The following SERTAD4 variants were observed in gnomAD, a reference collection of about 807,000 sequenced individuals.
SERTAD4 encodes SERTA domain-containing protein 4.
In SERTAD4, 18 loss-of-function variants were observed where a neutral mutation model predicts 32.9. The observed-to-expected ratio is 0.55, with a 90% CI of 0.38 to 0.81. The LOEUF (loss-of-function observed/expected upper bound fraction) is 0.81. Ranked by LOEUF, SERTAD4 falls within the 30% of genes least tolerant of loss-of-function variation. The pLI is 0.00. For missense variants in SERTAD4, 383 were observed against 426.0 expected (o/e 0.90, Z 0.89); for synonymous variants, 150 against 156.4 (o/e 0.96, Z 0.30).
At chr1:210,246,548 T>C (rs1487858321), downstream of SERTAD4, 1 of 984,584 alleles carries the variant, frequency 1.0e-6, no homozygotes, top group Non-Finnish European at 1.2e-6. Flanking sequence ...GTCTGTAATT[T>C]CCTGTTTCTG....
chr1:210,233,586 C>T (rs1410300883), intron 1 of SERTAD4: 4 of 444,862 alleles, frequency 9.0e-6, no homozygotes, highest in Non-Finnish European at 1.8e-5. Context: ...TCCTCCCAGG[C>T]AGCAGAGCTG....
At chr1:210,236,440 C>A (rs550709119) in intron 1 of SERTAD4, among the ~76,000 whole-genome samples, 1 of 152,140 alleles carries the variant, frequency 6.6e-6, no homozygotes, top group Non-Finnish European at 1.5e-5. Context: ...GAATTTGAGA[C>A]CTCAGAGAGA....
chr1:210,246,207 A>T lies in SERTAD4; in HGVS notation c.*3870A>T, dbSNP rs1183511813. On this transcript the variant is annotated 3_prime_UTR_variant, in exon 4 of 4. Coordinates refer to ENST00000367012, the MANE Select transcript of SERTAD4 (RefSeq NM_019605.5). ...TTCATTTTAAGATTGCTGTATTTTG[A>T]TTTTGTGGTTTAAAATAAATGCATT... The T allele has an allele frequency of 1.3e-5, 2 of 153,004 alleles. No individual in the cohort carries two copies. The highest frequency in any genetic ancestry group is 4.8e-5 in the African/African-American group (2 of 41,482). The allele number at this position is 153,004 out of a possible 1,614,324, so 9.5% of individuals were successfully genotyped here.
At chr1:210,233,837 CAAGG>C (rs1356969910) in intron 1 of SERTAD4, 1 of 469,160 alleles carries the variant, frequency 2.1e-6, no homozygotes, top group East Asian at 7.0e-5. Context: ...GTTTGGCCGG[CAAGG>C]GAGGGAGGGA....
Position 210,242,129 on chromosome 1 carries a change from A to G in SERTAD4, c.863A>G (p.Asp288Gly). ...KAKLNDEKANDDTNRDGGPLS... is the reference protein window; with the variant it reads ...KAKLNDEKANGDTNRDGGPLS... The stretch of plus-strand genomic sequence containing the variant: ...AAATTAAATGATGAGAAAGCAAATG[A>G]TGACACCAACAGAGATGGTGGCCCC... Residue 288 changes from aspartate (D) to glycine (G), a missense_variant, in exon 4 of 4, where the codon GAT (aspartate) becomes GGT (glycine). By Grantham distance (94) the Asp-to-Gly change is moderately conservative. Coordinates refer to ENST00000367012, the MANE Select transcript of SERTAD4 (RefSeq NM_019605.5). The surrounding 1 kb of genome is among the most constrained non-coding windows in gnomAD (Gnocchi z 4.0). 1 of 1,614,226 alleles carries G rather than the reference A, an allele frequency of 6.2e-7. No individual in the cohort carries two copies. The highest frequency in any genetic ancestry group is 1.1e-5 in the South Asian group (1 of 91,082).
Position 210,244,899 on chromosome 1 carries a change from T to C in SERTAD4, c.*2562T>C, listed in dbSNP as rs1006261460. 6.6e-6 allele frequency: 1 copy of C among 152,056 alleles called. No homozygotes were observed. The highest frequency in any genetic ancestry group is 6.6e-5 in the Admixed American group (1 of 15,266). The allele number at this position is 152,056 out of a possible 1,614,324, so 9.4% of individuals were successfully genotyped here. A position where few individuals can be genotyped will look rare whatever the true frequency, so the allele number is the denominator to read the frequency against. ...TTTTGTTTCCAGGATATTTCTAGCATTGCAAAAAAAAATTTCTTCACCAAA... is the reference window on the plus strand; with the variant it reads ...TTTTGTTTCCAGGATATTTCTAGCACTGCAAAAAAAAATTTCTTCACCAAA... On this transcript the variant is annotated 3_prime_UTR_variant, in exon 4 of 4. Transcript: ENST00000367012.
At position 210,236,516 on chromosome 1, in the gene SERTAD4, C is replaced by G. The variant is rs149545062; in HGVS notation, c.-17-1428C>G. Among the ~76,000 whole-genome samples the G allele has an allele frequency of 4.3e-3, 657 of 152,342 alleles. 1 individual carries two copies. The highest frequency in any genetic ancestry group is 0.02 in the Middle Eastern group (6 of 294). ...TCTTTTAGCCAGAAGGACATTGTCA[C>G]TTTAATGATGCTATTTCGCCTTACC... On this transcript the variant is annotated intron_variant, in intron 1 of 3. Transcript: ENST00000367012.
At chr1:210,239,985 A>G (rs1459803179) in intron 3 of SERTAD4, among the ~76,000 whole-genome samples, 3 of 152,124 alleles carry the variant, frequency 2.0e-5, no homozygotes, top group Non-Finnish European at 4.4e-5. Flanking sequence ...CCTGCAGCCA[A>G]TGCTACTTCC....
chr1:210,243,093 CAAAAAAAAA>C lies in SERTAD4; in HGVS notation c.*770_*778del, dbSNP rs57426441. The C allele has an allele frequency of 1.2e-5, 6 of 483,548 alleles. No homozygotes were observed. In the African/African-American group the frequency reaches 1.3e-4, roughly 10 times the overall value. The allele number at this position is 483,548 out of a possible 1,614,324, so 30.0% of individuals were successfully genotyped here. A position where few individuals can be genotyped will look rare whatever the true frequency, so the allele number is the denominator to read the frequency against. On this transcript the variant is annotated 3_prime_UTR_variant, in exon 4 of 4. Coordinates refer to ENST00000367012, the MANE Select transcript of SERTAD4 (RefSeq NM_019605.5). ...TACAGCAGGGATTTAACAAACAGGACAAAAAAAAAAAAAAAAAAAAAACCACAGGGTGGA... is the reference window on the plus strand; with the variant it reads ...TACAGCAGGGATTTAACAAACAGGACAAAAAAAAAAAAACCACAGGGTGGA...
intron 1 of SERTAD4, among the ~76,000 whole-genome samples, chr1:210,235,595 A>T (rs1310847125): frequency 2.0e-5 from 3 of 147,720 alleles, no homozygotes; most frequent in African/African-American, 7.7e-5. Context: ...AAATACTGTT[A>T]TGCCATGTTT....
intron 1 of SERTAD4, among the ~76,000 whole-genome samples, chr1:210,234,559 C>T (rs1224937001): frequency 6.6e-6 from 1 of 152,162 alleles, no homozygotes; most frequent in Non-Finnish European, 1.5e-5. Flanking sequence ...GCCGGACAAG[C>T]TATTGAGATC....
In SERTAD4 at chr1:210,242,166, A is replaced by G. The variant is rs1478012388; in HGVS notation, c.900A>G (p.Glu300=). The G allele has an allele frequency of 4.3e-6, 7 of 1,614,102 alleles. No individual in the cohort carries two copies. Among genetic ancestry groups the G allele is most frequent in the Non-Finnish European group, 5.9e-6 (7 of 1,180,048 alleles). ...TNRDGGPLSH[E]PVGNDLAFEC... ...GAGATGGTGGCCCCCTCAGCCACGAACCTGTGGGAAATGACCTTGCTTTTG... is the reference window on the plus strand; with the variant it reads ...GAGATGGTGGCCCCCTCAGCCACGAGCCTGTGGGAAATGACCTTGCTTTTG... The change falls in exon 4 of 4, where the codon GAA becomes GAG. Residue 300 remains glutamate, a synonymous_variant. Coordinates refer to ENST00000367012, the MANE Select transcript of SERTAD4 (RefSeq NM_019605.5). The surrounding 1 kb of genome is among the most constrained non-coding windows in gnomAD (Gnocchi z 4.0).
At chr1:210,238,586 C>G (rs1393847126) in intron 2 of SERTAD4, among the ~76,000 whole-genome samples, 1 of 152,170 alleles carries the variant, frequency 6.6e-6, no homozygotes, top group Admixed American at 6.5e-5. Flanking sequence ...CCATTTATGC[C>G]CAGTGTTCCA....
Position 210,241,881 on chromosome 1 carries a change from T to C in SERTAD4, c.615T>C (p.Ser205=), listed in dbSNP as rs2083999825. The C allele has an allele frequency of 6.2e-7, 1 of 1,614,192 alleles. No individual in the cohort carries two copies. The highest frequency in any genetic ancestry group is 1.3e-5 in the African/African-American group (1 of 75,056). Residue 205 remains serine (S), a synonymous_variant, in exon 4 of 4, where the codon TCT becomes TCC. Transcript: ENST00000367012. ...CGGHYLNLPL[S]VNANVGSAST... ...GCCACTACCTAAATTTACCCCTTTC[T>C]GTCAATGCTAATGTTGGAAGTGCCT...
Position 210,245,149 on chromosome 1 carries a change from C to T in SERTAD4, c.*2812C>T, listed in dbSNP as rs2084036462. The T allele has an allele frequency of 6.6e-6, 1 of 152,190 alleles. No homozygotes were observed. The highest frequency in any genetic ancestry group is 6.5e-5 in the Admixed American group (1 of 15,278). The allele number at this position is 152,190 out of a possible 1,614,324, so 9.4% of individuals were successfully genotyped here. A position where few individuals can be genotyped will look rare whatever the true frequency, so the allele number is the denominator to read the frequency against. Reference sequence around the variant, plus strand: ...AGCAACTTGGAAAAGCTAAGACATCCTCCACCCACACTGGTATCTACGCGC... The same window carrying T: ...AGCAACTTGGAAAAGCTAAGACATCTTCCACCCACACTGGTATCTACGCGC... On this transcript the variant is annotated 3_prime_UTR_variant, in exon 4 of 4. Coordinates refer to ENST00000367012, the MANE Select transcript of SERTAD4 (RefSeq NM_019605.5).
rs773675013 is a variant in SERTAD4 at position 210,242,352 on chromosome 1, G to A, written c.*15G>A. On this transcript the variant is annotated 3_prime_UTR_variant, in exon 4 of 4. Transcript: ENST00000367012. This position sits in a 1 kb window ranked among gnomAD's most constrained non-coding sequence, Gnocchi z 4.0. ...GTAAAATATGAGCCATCTTCTCACC[G>A]AACTTTGAAGCATGCACAGCATGAT... 3.9e-6 allele frequency: 6 copies of A among 1,542,722 alleles called. No individual in the cohort carries two copies. The highest frequency in any genetic ancestry group is 2.3e-5 in the East Asian group (1 of 44,442).
chr1:210,242,091 T>A lies in SERTAD4; in HGVS notation c.825T>A (p.Val275=), dbSNP rs1297189739. 1 of 1,614,160 alleles carries A rather than the reference T, an allele frequency of 6.2e-7. No homozygotes were observed. Among genetic ancestry groups the A allele is most frequent in the Admixed American group, 1.7e-5 (1 of 60,014 alleles). ...IFVTNVRSLG[V]QEKAKLNDEK... ...TCACTAATGTCAGATCACTTGGTGTTCAGGAAAAGGCCAAATTAAATGATG... is the reference window on the plus strand; with the variant it reads ...TCACTAATGTCAGATCACTTGGTGTACAGGAAAAGGCCAAATTAAATGATG... Residue 275 remains valine (V), a synonymous_variant, in exon 4 of 4, where the codon GTT becomes GTA. Transcript: ENST00000367012. This position sits in a 1 kb window ranked among gnomAD's most constrained non-coding sequence, Gnocchi z 4.0.
chr1:210,233,606 C>T (rs1272660628), intron 1 of SERTAD4: 2 of 453,568 alleles, frequency 4.4e-6, no homozygotes, highest in Admixed American at 2.5e-5. Context: ...GCGCTGCGGG[C>T]GGCGGCGGCT....
intron 3 of SERTAD4, among the ~76,000 whole-genome samples, chr1:210,239,915 T>C (rs1475846463): frequency 6.6e-6 from 1 of 152,176 alleles, no homozygotes; most frequent in Non-Finnish European, 1.5e-5. Flanking sequence ...TCCACACTTT[T>C]GTGTGTGGGG....
Sources: gnomAD v4.1 joint callset for allele counts (sites outside exome capture counted in the v4.1 genomes callset) on GRCh38, gnomAD v4.1.1 for gene constraint, Gnocchi (gnomAD v3.1) non-coding constraint, MANE v1.5 for transcripts, NCBI Gene and HGNC (gene_info 2026-07-23, HGNC 2026-07-21) for gene names.